The following FYB1 variants were observed in gnomAD, a reference collection of about 807,000 sequenced individuals.
FYB1 encodes the protein FYN-binding protein 1.
A neutral mutation model predicts 94.1 loss-of-function variants in FYB1; 41 were observed. The observed-to-expected ratio is 0.44, with a 90% CI of 0.34 to 0.57. The LOEUF (loss-of-function observed/expected upper bound fraction) is 0.57, where lower values mean the gene tolerates loss of function less well. Among genes scored for constraint, FYB1 ranks in the 20% least tolerant of loss-of-function variants. The pLI is 0.02. For missense variants in FYB1, 1,050 were observed against 976.8 expected (o/e 1.07, Z -1.00); for synonymous variants, 367 against 353.2 (o/e 1.04, Z -0.44).
rs574730083 is a variant in FYB1, at chr5:39,239,414, T to C, written c.-28+34989A>G. 1.2e-4 allele frequency among the ~76,000 whole-genome samples: 19 copies of C among 152,230 alleles called. 1 individual carries two copies. In the East Asian group the frequency reaches 3.7e-3, roughly 29 times the overall value. ...ATATGATTGTACAACTAGAAAACCC[T>C]ATAGTCTCTGACCAAAAGCTCCTAG... On this transcript the variant is annotated intron_variant, in intron 1 of 1. Transcript: ENST00000510188.
intron 2 of FYB1, among the ~76,000 whole-genome samples, chr5:39,159,787 C>G (rs1744085129): frequency 6.7e-6 from 1 of 149,038 alleles, no homozygotes; most frequent in Admixed American, 7.0e-5. Flanking sequence ...TTGTACAGCC[C>G]ACTCCCTTTA....
At chr5:39,269,102 C>T (rs559758931) in intron 1 of FYB1, among the ~76,000 whole-genome samples, 23 of 151,804 alleles carry the variant, frequency 1.5e-4, no homozygotes, top group East Asian at 1.2e-3. Flanking sequence ...CAGGCTAGAG[C>T]GCAGTGGCGT....
chr5:39,129,663 T>G (rs780439810), intron 10 of FYB1, among the ~76,000 whole-genome samples: 24 of 152,110 alleles, frequency 1.6e-4, no homozygotes, highest in Admixed American at 3.3e-4. Flanking sequence ...TAAAAAGACA[T>G]TTCTTAGAAG....
At chr5:39,233,296 A>C (rs972399802) in intron 1 of FYB1, among the ~76,000 whole-genome samples, 2 of 152,160 alleles carry the variant, frequency 1.3e-5, no homozygotes, top group African/African-American at 4.8e-5. Flanking sequence ...AGTTGACTGG[A>C]TGAAGAACCA....
intron 1 of FYB1, chr5:39,208,774 C>T (rs996223713): frequency 6.6e-6 from 1 of 152,114 alleles, no homozygotes; most frequent in Non-Finnish European, 1.5e-5. Context: ...GTTACTCAAA[C>T]TTAGGACCTG....
intron 1 of FYB1, among the ~76,000 whole-genome samples, chr5:39,251,063 A>G (rs1319304649): frequency 6.6e-6 from 1 of 152,188 alleles, no homozygotes; most frequent in Non-Finnish European, 1.5e-5. Context: ...GAGGATGATT[A>G]TATTAGGAGA....
At chr5:39,154,282 C>G (rs1743545111) in intron 2 of FYB1, among the ~76,000 whole-genome samples, 1 of 152,094 alleles carries the variant, frequency 6.6e-6, no homozygotes, top group Non-Finnish European at 1.5e-5. Flanking sequence ...TGTTTTGATC[C>G]TCTTCCTCTC....
chr5:39,187,197 C>A (rs62358732), intron 2 of FYB1, among the ~76,000 whole-genome samples: 26,408 of 151,926 alleles, frequency 0.17, 2,504 homozygotes, highest in Non-Finnish European at 0.21. Context: ...TACTGTGACA[C>A]GCTTGAAAAA....
At chr5:39,210,649 C>G (rs1407522552) in intron 1 of FYB1, among the ~76,000 whole-genome samples, 1 of 152,148 alleles carries the variant, frequency 6.6e-6, no homozygotes, top group African/African-American at 2.4e-5. Context: ...CAAAATAGCT[C>G]CTGTACAAAT....
At chr5:39,123,959 T>A (rs1404815681) in intron 13 of FYB1, among the ~76,000 whole-genome samples, 1 of 152,142 alleles carries the variant, frequency 6.6e-6, no homozygotes. Context: ...TTGGACTGAA[T>A]TGAGGCTGGG....
chr5:39,181,867 T>C (rs997612055), intron 2 of FYB1, among the ~76,000 whole-genome samples: 2 of 152,208 alleles, frequency 1.3e-5, no homozygotes, highest in African/African-American at 4.8e-5. Flanking sequence ...ACTTCCTTTT[T>C]TAATTTTTTT....
chr5:39,135,854 A>G (rs1177857033), intron 7 of FYB1, among the ~76,000 whole-genome samples: 6 of 152,056 alleles, frequency 3.9e-5, no homozygotes, highest in African/African-American at 1.4e-4. Flanking sequence ...ATCTATTATC[A>G]TCTTGTGAAA....
chr5:39,254,029 A>T (rs7715266), intron 1 of FYB1, among the ~76,000 whole-genome samples: 1 of 151,924 alleles, frequency 6.6e-6, no homozygotes, highest in African/African-American at 2.4e-5. Flanking sequence ...TGATCTCATT[A>T]TTTTTTATGG....
Position 39,135,038 on chromosome 5 carries a change from C to G in FYB1, c.1516-24G>C, listed in dbSNP as rs185339019. ...AGCTGCAAAGAGAAAAAAATAGTCA[C>G]AAAAGATTTCCTTATAATTTAGAAA... On this transcript the variant is annotated intron_variant, in intron 7 of 18. Transcript: ENST00000512982. The G allele has an allele frequency of 2.4e-5, 39 of 1,605,998 alleles. No homozygotes were observed. In the East Asian group the frequency reaches 8.0e-4, roughly 33 times the overall value.
chr5:39,190,919 G>T (rs1747299292), intron 2 of FYB1, among the ~76,000 whole-genome samples: 1 of 152,122 alleles, frequency 6.6e-6, no homozygotes, highest in Non-Finnish European at 1.5e-5. Flanking sequence ...GATCCTCAAT[G>T]ACTGAGAGCA....
intron 1 of FYB1, among the ~76,000 whole-genome samples, chr5:39,269,358 C>G (rs1396228774): frequency 6.6e-6 from 1 of 152,166 alleles, no homozygotes; most frequent in Non-Finnish European, 1.5e-5. Flanking sequence ...CAAGGTCAAG[C>G]TGTTTTCTAG....
At chr5:39,233,768 T>C (rs1750846052) in intron 1 of FYB1, among the ~76,000 whole-genome samples, 1 of 152,262 alleles carries the variant, frequency 6.6e-6, no homozygotes, top group South Asian at 2.1e-4. Context: ...TATAAAGATA[T>C]GGCCTCATAC....
At chr5:39,135,841 A>G (rs909992026) in intron 7 of FYB1, among the ~76,000 whole-genome samples, 1 of 152,036 alleles carries the variant, frequency 6.6e-6, no homozygotes, top group African/African-American at 2.4e-5. Flanking sequence ...TTTTTTACCT[A>G]TTATCTATTA....
chr5:39,247,204 A>C (rs944446355), intron 1 of FYB1, among the ~76,000 whole-genome samples: 24 of 150,040 alleles, frequency 1.6e-4, no homozygotes, highest in African/African-American at 5.6e-4. Context: ...AGTCCTCAGA[A>C]GGGTGACTGG....
Sources: allele counts gnomAD v4.1 joint callset (sites outside exome capture counted in the v4.1 genomes callset), GRCh38; gene constraint gnomAD v4.1.1; transcripts MANE v1.5; gene names NCBI Gene and HGNC (gene_info 2026-07-23, HGNC 2026-07-21).